Variants in DENND2C observed in about 807,000 individuals in gnomAD.
DENND2C encodes the protein DENN domain-containing protein 2C.
A neutral mutation model predicts 112.4 loss-of-function variants in DENND2C; 72 were observed. That is an observed-to-expected ratio of 0.64 (90% CI 0.53 to 0.78). DENND2C has a LOEUF of 0.78. Ranked by LOEUF, DENND2C falls within the 30% of genes least tolerant of loss-of-function variation. The pLI is 0.00. For missense variants in DENND2C, 992 were observed against 1,113.8 expected (o/e 0.89, Z 1.56); for synonymous variants, 329 against 381.6 (o/e 0.86, Z 1.61).
chr1:114,616,693 CAAA>C (rs1344255321), intron 8 of DENND2C, among the ~76,000 whole-genome samples: 1 of 151,560 alleles, frequency 6.6e-6, no homozygotes, highest in Non-Finnish European at 1.5e-5. Flanking sequence ...GTCTCTACTA[CAAA>C]TACAAAAAAT....
At chr1:114,609,832 G>A (rs553360323) in intron 9 of DENND2C, among the ~76,000 whole-genome samples, 11 of 152,268 alleles carry the variant, frequency 7.2e-5, no homozygotes, top group East Asian at 5.8e-4. Context: ...ATGGCTCCCC[G>A]GAATTATCCA....
At chr1:114,633,488 T>TGAAG (rs1222584149) in intron 3 of DENND2C, among the ~76,000 whole-genome samples, 4 of 88,238 alleles carry the variant, frequency 4.5e-5, no homozygotes, top group African/African-American at 1.3e-4. Flanking sequence ...AAGGAAGGAA[T>TGAAG]GAAGGAAGGA....
intron 1 of DENND2C, among the ~76,000 whole-genome samples, chr1:114,665,072 C>A (rs1359318426): frequency 6.6e-6 from 1 of 151,598 alleles, no homozygotes; most frequent in African/African-American, 2.4e-5. Context: ...CCAGCCTGGG[C>A]AACAGAGAGA....
intron 11 of DENND2C, among the ~76,000 whole-genome samples, chr1:114,603,229 C>T (rs1390727786): frequency 6.6e-6 from 1 of 151,898 alleles, no homozygotes; most frequent in Non-Finnish European, 1.5e-5. Context: ...CAACCTCCGC[C>T]TCCTGGGTTC....
intron 7 of DENND2C, among the ~76,000 whole-genome samples, chr1:114,619,627 T>C (rs1021000140): frequency 6.6e-6 from 1 of 152,036 alleles, no homozygotes; most frequent in African/African-American, 2.4e-5. Flanking sequence ...ATCACTGCAA[T>C]TCAAGTGAAA....
In DENND2C at chr1:114,625,664, G is replaced by A. The variant is rs774069018; in HGVS notation, c.321C>T (p.Phe107=). 2.5e-6 allele frequency: 4 copies of A among 1,614,080 alleles called. No individual in the cohort carries two copies. The change falls in exon 4 of 21, where the codon TTC becomes TTT. Residue 107 remains phenylalanine (F), a synonymous_variant. Transcript: ENST00000393274. ...AGTTGGATTCTGATTCATTTTTAAAGAAGTGTGTATCGTCATATTCATGTT... is the reference window on the plus strand; with the variant it reads ...AGTTGGATTCTGATTCATTTTTAAAAAAGTGTGTATCGTCATATTCATGTT... The part of the protein sequence containing the change: ...NKKHEYDDTH[F]FKNESESNWV...
intron 6 of DENND2C, 133 bp downstream of exon 6, chr1:114,622,854 A>C (rs1430590092): frequency 8.6e-6 from 5 of 584,380 alleles, no homozygotes; most frequent in Non-Finnish European, 5.3e-6. Context: ...CAAAAATTAA[A>C]AAAACTACCA....
chr1:114,632,852 T>A (rs1293651073), intron 3 of DENND2C, among the ~76,000 whole-genome samples: 1 of 152,322 alleles, frequency 6.6e-6, no homozygotes, highest in Non-Finnish European at 1.5e-5. Context: ...TATGAGCACA[T>A]TCAACTCGTA....
At chr1:114,618,660 C>T (rs1656070176) in intron 7 of DENND2C, among the ~76,000 whole-genome samples, 178 bp from the exon 8 acceptor site, 1 of 152,154 alleles carries the variant, frequency 6.6e-6, no homozygotes, top group Non-Finnish European at 1.5e-5. Context: ...ATATGTTGTT[C>T]TAATACCAAG....
rs190581842 is a variant in DENND2C at position 114,630,224 on chromosome 1, C to G, written c.-204-4036G>C. On this transcript the variant is annotated intron_variant, in intron 3 of 20. Transcript: ENST00000393274. ...TCAGGAGGCTGAGGCAGGAGAATCGCTTGAACCCGGGAGGTAGAGGCTTCA... is the reference window on the plus strand; with the variant it reads ...TCAGGAGGCTGAGGCAGGAGAATCGGTTGAACCCGGGAGGTAGAGGCTTCA... Among the ~76,000 whole-genome samples the G allele has an allele frequency of 1.1e-3, 168 of 152,000 alleles. 1 individual carries two copies. Among genetic ancestry groups the G allele is most frequent in the African/African-American group, 3.8e-3 (159 of 41,444 alleles).
intron 3 of DENND2C, among the ~76,000 whole-genome samples, chr1:114,641,078 A>T (rs1656823446): frequency 6.6e-6 from 1 of 152,010 alleles, no homozygotes; most frequent in Non-Finnish European, 1.5e-5. Flanking sequence ...TTTTTTAGAG[A>T]GCAGGAAAGA....
At chr1:114,587,658 G>T in intron 19 of DENND2C, 58 bp downstream of exon 19, 1 of 1,486,212 alleles carries the variant, frequency 6.7e-7, no homozygotes, top group Non-Finnish European at 9.1e-7. Context: ...TCATAATATA[G>T]TAAAATCTTT....
chr1:114,625,038 C>G, intron 4 of DENND2C, 141 bp downstream of exon 4: 1 of 757,566 alleles, frequency 1.3e-6, no homozygotes, highest in Non-Finnish European at 2.0e-6. Context: ...ATTTTCCTTC[C>G]ACATTAATCA....
rs868376242 is a variant in DENND2C, at chr1:114,599,392, T to C, written c.2165A>G (p.His722Arg). The C allele has an allele frequency of 2.5e-6, 4 of 1,614,100 alleles. No individual in the cohort carries two copies. The highest frequency in any genetic ancestry group is 3.4e-6 in the Non-Finnish European group (4 of 1,179,988). Reference sequence around the variant, plus strand: ...TGCTGGCAGGACTGGGATATAGGTATGCTGCCAGGTGAACGGATACAGTGT... The same window carrying C: ...TGCTGGCAGGACTGGGATATAGGTACGCTGCCAGGTGAACGGATACAGTGT... ...VATLYPFTWQ[H>R]TYIPVLPASM... Residue 722 changes from histidine to arginine, a missense_variant, in exon 16 of 21, where the codon CAT becomes CGT. His to Arg is a conservative substitution (Grantham distance 29, BLOSUM62 0). Coordinates refer to ENST00000393274, the MANE Select transcript of DENND2C (RefSeq NM_001256404.2).
chr1:114,600,876 G>A lies in DENND2C; in HGVS notation c.1900C>T (p.Pro634Ser). The change falls in exon 14 of 21, where the codon CCA (proline) becomes TCA (serine). Residue 634 changes from proline (P) to serine (S), a missense_variant. Around this residue, in one of 3 missense-constraint regions of DENND2C, gnomAD observed 516 missense variants for 623.6 expected, o/e 0.83. Transcript: ENST00000393274. ...FMRSVMEAPFPAPGRTITVKS... is the reference protein window; with the variant it reads ...FMRSVMEAPFSAPGRTITVKS... ...ACTGTGATGGTGCGTCCAGGAGCTG[G>A]GAAAGGAGCTTCCATGACACTTCGC... 4 of 1,614,082 alleles carry A rather than the reference G, an allele frequency of 2.5e-6. No individual in the cohort carries two copies. Among genetic ancestry groups the A allele is most frequent in the Non-Finnish European group, 3.4e-6 (4 of 1,179,966 alleles).
chr1:114,603,853 CA>C, intron 11 of DENND2C, among the ~76,000 whole-genome samples: 1 of 152,156 alleles, frequency 6.6e-6, no homozygotes, highest in Middle Eastern at 3.4e-3. Context: ...CAAACTTGAA[CA>C]ATATATACAT....
chr1:114,649,915 G>T (rs577137699), intron 2 of DENND2C, among the ~76,000 whole-genome samples: 1 of 152,258 alleles, frequency 6.6e-6, no homozygotes, highest in South Asian at 2.1e-4. Context: ...CTCCAACATG[G>T]TCACTGGGAC....
intron 7 of DENND2C, among the ~76,000 whole-genome samples, chr1:114,619,735 T>C (rs1234084520): frequency 6.6e-6 from 1 of 152,226 alleles, no homozygotes; most frequent in Non-Finnish European, 1.5e-5. Flanking sequence ...GAAATAAATA[T>C]ATATTTGGGT....
chr1:114,633,532 T>C (rs1468669257), intron 3 of DENND2C, among the ~76,000 whole-genome samples: 4 of 150,164 alleles, frequency 2.7e-5, no homozygotes, highest in Non-Finnish European at 4.4e-5. Context: ...ATATATGATA[T>C]GAAGTGGTAC....
Sources: gnomAD v4.1 joint callset for allele counts (sites outside exome capture counted in the v4.1 genomes callset) on GRCh38, gnomAD v4.1.1 for gene constraint, gnomAD v4.1.1 regional missense constraint, MANE v1.5 for transcripts, NCBI Gene and HGNC (gene_info 2026-07-23, HGNC 2026-07-21) for gene names.